SYTL3: variants seen among roughly 807,000 people sequenced by gnomAD.
The protein encoded by SYTL3 is synaptotagmin-like protein 3.
SYTL3 carries 88 observed loss-of-function variants against 82.1 expected under a neutral mutation model. The observed-to-expected ratio is 1.07, with a 90% CI of 0.90 to 1.28. The LOEUF is 1.28. SYTL3 is among the 50% of genes most tolerant of loss of function. The pLI is 0.00. For missense variants in SYTL3, 831 were observed against 757.6 expected (o/e 1.10, Z -1.14); for synonymous variants, 311 against 289.4 (o/e 1.07, Z -0.76).
intron 13 of SYTL3, among the ~76,000 whole-genome samples, chr6:158,754,806 G>A (rs2128535558): frequency 6.6e-6 from 1 of 152,364 alleles, no homozygotes; most frequent in South Asian, 2.1e-4. Context: ...CAATGGGTAA[G>A]GACCCAGGAG....
At chr6:158,694,257 A>G (rs1780323121) in intron 6 of SYTL3, among the ~76,000 whole-genome samples, 1 of 151,964 alleles carries the variant, frequency 6.6e-6, no homozygotes, top group Non-Finnish European at 1.5e-5. Context: ...CTGTGTTTCT[A>G]GATAATAATC....
chr6:158,716,790 C>T lies in SYTL3; in HGVS notation c.596-1297C>T, dbSNP rs1260693681. On this transcript the variant is annotated intron_variant, in intron 9 of 17. Transcript: ENST00000611299. Reference sequence around the variant, plus strand: ...AAGCCAGCCGGGGGGTCAAGAGCCACAGTGTCCATTGCAGTGGCCTCTAAC... The same window carrying T: ...AAGCCAGCCGGGGGGTCAAGAGCCATAGTGTCCATTGCAGTGGCCTCTAAC... 2.6e-5 allele frequency among the ~76,000 whole-genome samples: 4 copies of T among 152,204 alleles called. No homozygotes were observed. In the East Asian group the frequency reaches 5.8e-4, roughly 22 times the overall value.
At position 158,673,849 on chromosome 6, in the gene SYTL3, C is replaced by T. The variant is rs539112061; in HGVS notation, c.329+8236C>T. Among the ~76,000 whole-genome samples the T allele has an allele frequency of 9.9e-5, 15 of 150,960 alleles. No homozygotes were observed. The South Asian group carries it at 2.5e-3, about 25-fold the overall frequency. Reference sequence around the variant, plus strand: ...CTGTTATCCCAGCACTTTGGGAGGCCGAGCTGGGCGGATCACTTGAGGTCA... The same window carrying T: ...CTGTTATCCCAGCACTTTGGGAGGCTGAGCTGGGCGGATCACTTGAGGTCA... On this transcript the variant is annotated intron_variant, in intron 5 of 17. Transcript: ENST00000611299.
At position 158,661,951 on chromosome 6, in the gene SYTL3, C is replaced by T. The variant is rs371468892; in HGVS notation, c.-520+566C>T. On this transcript the variant is annotated intron_variant, in intron 3 of 17. Transcript: ENST00000611299. Reference sequence around the variant, plus strand: ...ATATTTCAGTATAATCAATTTCTTCCTATGTAACACAGCATACCTTATTTT... The same window carrying T: ...ATATTTCAGTATAATCAATTTCTTCTTATGTAACACAGCATACCTTATTTT... 3.3e-5 allele frequency among the ~76,000 whole-genome samples: 5 copies of T among 152,224 alleles called. No homozygotes were observed. The South Asian group carries it at 8.3e-4, about 25-fold the overall frequency.
intron 11 of SYTL3, chr6:158,725,947 A>T (rs943127671): frequency 1.8e-5 from 12 of 676,204 alleles, no homozygotes; most frequent in Non-Finnish European, 3.1e-5. Context: ...CAGATAGGGC[A>T]GGAGGGCGCC....
intron 11 of SYTL3, among the ~76,000 whole-genome samples, chr6:158,739,746 C>A (rs573179588): frequency 6.6e-6 from 1 of 152,242 alleles, no homozygotes; most frequent in East Asian, 1.9e-4. Context: ...AACTCCTGGC[C>A]TCAAGCAGTC....
chr6:158,744,098 G>A (rs1384715196), intron 11 of SYTL3, among the ~76,000 whole-genome samples: 2 of 150,674 alleles, frequency 1.3e-5, no homozygotes, highest in East Asian at 4.0e-4. Context: ...TTGTATTTTA[G>A]TAGAGACGGG....
At chr6:158,708,532 G>T (rs146993304) in intron 8 of SYTL3, 141 bp downstream of exon 8, 4 of 772,284 alleles carry the variant, frequency 5.2e-6, no homozygotes, top group East Asian at 2.6e-5. Flanking sequence ...GTCACAAAGC[G>T]GGGTGGGGAG....
intron 8 of SYTL3, among the ~76,000 whole-genome samples, chr6:158,710,537 C>CTCTAAAATTAAA (rs1223901332): frequency 3.3e-5 from 5 of 151,100 alleles, no homozygotes; most frequent in African/African-American, 1.2e-4. Context: ...ATGCATAACA[C>CTCTAAAATTAAA]AAATTAAAAC....
intron 5 of SYTL3, among the ~76,000 whole-genome samples, chr6:158,677,351 G>A (rs527831593): frequency 5.3e-4 from 81 of 152,230 alleles, no homozygotes; most frequent in Admixed American, 1.6e-3. Flanking sequence ...GGTGGGAATT[G>A]AACAATGAGA....
At chr6:158,685,634 C>T (rs949910073) in intron 6 of SYTL3, among the ~76,000 whole-genome samples, 4 of 152,052 alleles carry the variant, frequency 2.6e-5, no homozygotes, top group African/African-American at 9.7e-5. Context: ...GCCTGACCAA[C>T]ATGGAGAAAC....
rs752976409 is a variant in SYTL3, at chr6:158,760,630, T to C, written c.1309-10T>C. 30 of 1,612,034 alleles carry C rather than the reference T, an allele frequency of 1.9e-5. No individual in the cohort carries two copies. Among genetic ancestry groups the C allele is most frequent in the Non-Finnish European group, 2.5e-5 (29 of 1,178,322 alleles). ...GAATCCTGTCCCTAAGCTCTGCCTC[T>C]TGTCCCCAGGCGGAGAAATACGAAG... On this transcript the variant is annotated splice_polypyrimidine_tract_variant and intron_variant, in intron 14 of 17. Coordinates refer to ENST00000611299, the MANE Select transcript of SYTL3 (RefSeq NM_001242394.2).
At chr6:158,757,775 C>T (rs1789335662) in intron 14 of SYTL3, among the ~76,000 whole-genome samples, 1 of 152,236 alleles carries the variant, frequency 6.6e-6, no homozygotes, top group Non-Finnish European at 1.5e-5. Context: ...TGTTTCTAAC[C>T]TTTCAACCCC....
At chr6:158,645,606 T>C (rs1404712800), upstream of SYTL3, among the ~76,000 whole-genome samples, 4 of 152,152 alleles carry the variant, frequency 2.6e-5, no homozygotes, top group African/African-American at 4.8e-5. Flanking sequence ...CCACATCTAA[T>C]CCATCAACAA....
rs73593030 is a variant in SYTL3 at position 158,715,057 on chromosome 6, A to G, written c.595+1179A>G. On this transcript the variant is annotated intron_variant, in intron 9 of 17. Coordinates refer to ENST00000611299, the MANE Select transcript of SYTL3 (RefSeq NM_001242394.2). ...CATCCTGCTGGGCTCTCTGACAGTA[A>G]CCCCTGCTCTGTGCCCCTTGGCCTG... Among the ~76,000 whole-genome samples, 278 of 151,932 alleles carry G rather than the reference A, an allele frequency of 1.8e-3. 1 individual carries two copies. The highest frequency in any genetic ancestry group is 6.3e-3 in the African/African-American group (263 of 41,426).
At chr6:158,720,103 T>G (rs1481576822) in intron 10 of SYTL3, among the ~76,000 whole-genome samples, 1 of 146,194 alleles carries the variant, frequency 6.8e-6, no homozygotes, top group Non-Finnish European at 1.5e-5. Flanking sequence ...AATAATAAAT[T>G]AAAAATTTTA....
intron 6 of SYTL3, among the ~76,000 whole-genome samples, chr6:158,703,443 C>T (rs1252461295): frequency 1.3e-5 from 2 of 152,184 alleles, no homozygotes; most frequent in African/African-American, 2.4e-5. Context: ...GTGAGCATCT[C>T]ACAGCTCCTT....
intron 6 of SYTL3, among the ~76,000 whole-genome samples, chr6:158,700,619 T>C (rs1464856373): frequency 6.6e-6 from 1 of 152,100 alleles, no homozygotes; most frequent in Non-Finnish European, 1.5e-5. Flanking sequence ...TATGTATGTA[T>C]GTATGTATGT....
intron 12 of SYTL3, among the ~76,000 whole-genome samples, chr6:158,749,408 AAAG>A (rs777023960): frequency 0.032 from 3,439 of 108,512 alleles, 73 homozygotes; most frequent in Non-Finnish European, 0.043. Context: ...AAAAAAAAAA[AAAG>A]AAAGAAAAAA....
Sources: gnomAD v4.1 joint callset for allele counts (sites outside exome capture counted in the v4.1 genomes callset) on GRCh38, gnomAD v4.1.1 for gene constraint, MANE v1.5 for transcripts, NCBI Gene and HGNC (gene_info 2026-07-23, HGNC 2026-07-21) for gene names.